ROBO1: variants seen among roughly 807,000 people sequenced by gnomAD.
The protein encoded by ROBO1 is roundabout homolog 1.
Under a neutral mutation model 195.9 loss-of-function variants are expected in ROBO1, and 149 were observed. The ratio of observed to expected loss-of-function variants is 0.76; its 90% CI spans 0.67 to 0.87. The LOEUF is 0.87. ROBO1 is among the 40% of genes least tolerant of loss of function. The pLI is 0.00. For missense variants in ROBO1, 1,933 were observed against 2,068.3 expected (o/e 0.93, Z 1.27); for synonymous variants, 816 against 733.2 (o/e 1.11, Z -1.82).
intron 1 of ROBO1, among the ~76,000 whole-genome samples, chr3:79,607,967 T>G (rs1220811175): frequency 6.6e-6 from 1 of 152,020 alleles, no homozygotes; most frequent in Non-Finnish European, 1.5e-5. Flanking sequence ...AACAGAATAT[T>G]GAAGCTAAAT....
intron 4 of ROBO1, among the ~76,000 whole-genome samples, chr3:78,803,953 T>C (rs896225442): frequency 2.0e-5 from 3 of 152,164 alleles, no homozygotes; most frequent in Non-Finnish European, 2.9e-5. Flanking sequence ...AAGGTATACT[T>C]AAAAGATTTC....
At chr3:78,939,580 T>C (rs1175348721) in intron 3 of ROBO1, among the ~76,000 whole-genome samples, 3 of 149,732 alleles carry the variant, frequency 2.0e-5, no homozygotes, top group Admixed American at 6.7e-5. Flanking sequence ...ATCGCGCCAC[T>C]GCACTCCAGC....
At chr3:78,780,825 G>C (rs1327429152) in intron 4 of ROBO1, among the ~76,000 whole-genome samples, 1 of 151,844 alleles carries the variant, frequency 6.6e-6, no homozygotes, top group Non-Finnish European at 1.5e-5. Context: ...TTCTTGACTG[G>C]ATTTTTCTCC....
chr3:78,974,298 T>C (rs1224895272), intron 3 of ROBO1, among the ~76,000 whole-genome samples: 1 of 151,898 alleles, frequency 6.6e-6, no homozygotes, highest in Non-Finnish European at 1.5e-5. Flanking sequence ...AAAGGGAAAT[T>C]CCAGTGATTC....
rs528495957 is a variant in ROBO1, at chr3:78,838,250, C to A, written c.500-91350G>T. The stretch of plus-strand genomic sequence containing the variant: ...AAAGAAACTGCAGAAATGAAAAAAG[C>A]TGTCCATCATAATTAAAGGCCAGGT... On this transcript the variant is annotated intron_variant, in intron 4 of 30. Coordinates refer to ENST00000464233, the MANE Select transcript of ROBO1 (RefSeq NM_002941.4). Among the ~76,000 whole-genome samples the A allele has an allele frequency of 2.6e-5, 4 of 152,252 alleles. No individual in the cohort carries two copies. In the South Asian group the frequency reaches 8.3e-4, roughly 32 times the overall value.
chr3:79,343,565 C>T (rs930439653), intron 2 of ROBO1, among the ~76,000 whole-genome samples: 2 of 152,124 alleles, frequency 1.3e-5, no homozygotes, highest in Admixed American at 6.5e-5. Context: ...CAGAAATGCA[C>T]CTGAGACATT....
intron 4 of ROBO1, among the ~76,000 whole-genome samples, chr3:78,748,677 T>C (rs2108293288): frequency 6.6e-6 from 1 of 152,194 alleles, no homozygotes; most frequent in East Asian, 1.9e-4. Context: ...TTAAATTTTT[T>C]CCTTCCTCAA....
intron 4 of ROBO1, among the ~76,000 whole-genome samples, chr3:78,806,288 T>C (rs555669724): frequency 6.6e-5 from 10 of 152,252 alleles, no homozygotes; most frequent in African/African-American, 2.4e-4. Flanking sequence ...CTCTCTAATT[T>C]TGAAATTATT....
chr3:79,592,810 C>T (rs1375524955), intron 1 of ROBO1, among the ~76,000 whole-genome samples: 1 of 151,992 alleles, frequency 6.6e-6, no homozygotes. Context: ...TGGGTTTGAA[C>T]AAATGTATAT....
chr3:78,619,016 T>G (rs1213191845), intron 26 of ROBO1, among the ~76,000 whole-genome samples: 1 of 152,172 alleles, frequency 6.6e-6, no homozygotes, highest in Non-Finnish European at 1.5e-5. Flanking sequence ...AGGAGAATGC[T>G]AAGAGAATAA....
chr3:79,641,803 A>C (rs1425493527), intron 1 of ROBO1, among the ~76,000 whole-genome samples: 1 of 151,974 alleles, frequency 6.6e-6, no homozygotes, highest in East Asian at 1.9e-4. Flanking sequence ...GGGTCACTTG[A>C]GCTCAGGGGT....
Position 78,761,357 on chromosome 3 carries a change from G to A in ROBO1, c.500-14457C>T, listed in dbSNP as rs560058298. ...AACAGGCCCCACTTGGAACAGCAACGCTTTTTATAAACATTAAAAAAAATA... is the reference window on the plus strand; with the variant it reads ...AACAGGCCCCACTTGGAACAGCAACACTTTTTATAAACATTAAAAAAAATA... On this transcript the variant is annotated intron_variant, in intron 4 of 30. Coordinates refer to ENST00000464233, the MANE Select transcript of ROBO1 (RefSeq NM_002941.4). Among the ~76,000 whole-genome samples the A allele has an allele frequency of 1.3e-4, 19 of 151,832 alleles. No individual in the cohort carries two copies. The South Asian group carries it at 3.5e-3, about 28-fold the overall frequency.
intron 2 of ROBO1, among the ~76,000 whole-genome samples, chr3:79,501,710 A>C (rs1409640600): frequency 6.6e-6 from 1 of 152,230 alleles, no homozygotes; most frequent in Non-Finnish European, 1.5e-5. Flanking sequence ...GTTAGGCAAG[A>C]AATCTTCGTA....
At chr3:78,915,930 C>A (rs916331338) in intron 4 of ROBO1, among the ~76,000 whole-genome samples, 2 of 152,088 alleles carry the variant, frequency 1.3e-5, no homozygotes, top group Non-Finnish European at 2.9e-5. Flanking sequence ...AGTGCAAGTG[C>A]GAGAGCCGCT....
chr3:79,450,941 T>C (rs1241214575), intron 2 of ROBO1, among the ~76,000 whole-genome samples: 1 of 151,930 alleles, frequency 6.6e-6, no homozygotes, highest in Non-Finnish European at 1.5e-5. Context: ...TTAACTTGTA[T>C]TTTCTATTAA....
At chr3:78,774,338 T>A (rs2083450576) in intron 4 of ROBO1, among the ~76,000 whole-genome samples, 1 of 151,612 alleles carries the variant, frequency 6.6e-6, no homozygotes, top group Non-Finnish European at 1.5e-5. Context: ...TGAGACGGAG[T>A]CTCGCTCTAT....
At chr3:78,813,340 G>C (rs886257178) in intron 4 of ROBO1, among the ~76,000 whole-genome samples, 5 of 151,972 alleles carry the variant, frequency 3.3e-5, no homozygotes, top group Non-Finnish European at 7.4e-5. Context: ...TGAACTTAAA[G>C]CTCATGTTTG....
chr3:79,135,706 C>A (rs1047779716), intron 2 of ROBO1, among the ~76,000 whole-genome samples: 1 of 151,594 alleles, frequency 6.6e-6, no homozygotes, highest in Admixed American at 6.6e-5. Context: ...GGTGCGACCT[C>A]AGCTCACCGC....
intron 2 of ROBO1, among the ~76,000 whole-genome samples, 153 bp from the exon 3 acceptor site, chr3:79,125,692 C>T: frequency 6.6e-6 from 1 of 152,154 alleles, no homozygotes; most frequent in East Asian, 1.9e-4. Flanking sequence ...GCCCCTCCTG[C>T]GGCACACTAA....
Sources: allele counts gnomAD v4.1 joint callset (sites outside exome capture counted in the v4.1 genomes callset), GRCh38; gene constraint gnomAD v4.1.1; transcripts MANE v1.5; gene names NCBI Gene and HGNC (gene_info 2026-07-23, HGNC 2026-07-21).